Variants in RNF182 observed in about 807,000 individuals in gnomAD.
The protein encoded by RNF182 is ring finger protein 182.
A neutral mutation model predicts 14.4 loss-of-function variants in RNF182; 15 were observed. The ratio of observed to expected loss-of-function variants is 1.04; its 90% CI spans 0.70 to 1.60. RNF182 has a LOEUF of 1.60. Among genes scored for constraint, RNF182 ranks in the 40% most tolerant of loss-of-function variants. RNF182 has a pLI of 0.00. For synonymous variants in RNF182, 128 were observed against 122.9 expected, an observed-to-expected ratio of 1.04 and a Z score of -0.27; for missense variants, 268 against 294.8, an observed-to-expected ratio of 0.91 and a Z score of 0.67.
At chr6:13,946,298 C>G (rs2113606181) in intron 1 of RNF182, among the ~76,000 whole-genome samples, 1 of 151,982 alleles carries the variant, frequency 6.6e-6, no homozygotes, top group Non-Finnish European at 1.5e-5. Context: ...TCCTGAGCAG[C>G]TGGAACTACA....
At chr6:13,947,059 AT>A (rs113544692) in intron 1 of RNF182, among the ~76,000 whole-genome samples, 32,674 of 93,770 alleles carry the variant, frequency 0.35, 4,127 homozygotes, top group East Asian at 0.54. Context: ...ATTGTCTAAA[AT>A]TAAATAAGAG....
At chr6:13,964,452 TG>T (rs1439389678) in intron 1 of RNF182, among the ~76,000 whole-genome samples, 1 of 152,152 alleles carries the variant, frequency 6.6e-6, no homozygotes, top group East Asian at 1.9e-4. Flanking sequence ...GGTAAATATT[TG>T]GGAAAAACTC....
At chr6:13,961,282 T>C (rs1561784585) in intron 1 of RNF182, among the ~76,000 whole-genome samples, 1 of 152,238 alleles carries the variant, frequency 6.6e-6, no homozygotes, top group African/African-American at 2.4e-5. Context: ...ACCATATCAA[T>C]GGATCCATTA....
chr6:13,975,696 A>G (rs1760306071), intron 2 of RNF182, among the ~76,000 whole-genome samples: 1 of 152,208 alleles, frequency 6.6e-6, no homozygotes, highest in Non-Finnish European at 1.5e-5. Flanking sequence ...TTTCTCTGTT[A>G]GTGCAGTATG....
intron 1 of RNF182, among the ~76,000 whole-genome samples, chr6:13,967,097 CA>C (rs1760052633): frequency 6.6e-6 from 1 of 152,086 alleles, no homozygotes; most frequent in South Asian, 2.1e-4. Flanking sequence ...CTTGGCCTCC[CA>C]AAGTGCTGGG....
At chr6:13,972,953 C>T (rs980143495) in intron 1 of RNF182, among the ~76,000 whole-genome samples, 10 of 152,236 alleles carry the variant, frequency 6.6e-5, no homozygotes, top group African/African-American at 2.4e-4. Flanking sequence ...GATCCATAGA[C>T]AGCTTGTACC....
At chr6:13,962,679 C>A (rs1405127241) in intron 1 of RNF182, among the ~76,000 whole-genome samples, 1 of 152,126 alleles carries the variant, frequency 6.6e-6, no homozygotes, top group Non-Finnish European at 1.5e-5. Flanking sequence ...ATCTAGAAAG[C>A]AGTGTTTACA....
chr6:13,946,182 T>TATTA, intron 1 of RNF182, among the ~76,000 whole-genome samples: 2 of 148,626 alleles, frequency 1.3e-5, no homozygotes, highest in South Asian at 2.1e-4. Flanking sequence ...TTATTATTAT[T>TATTA]TTGAGATAGA....
chr6:13,967,625 G>A (rs1194942209), intron 1 of RNF182, among the ~76,000 whole-genome samples: 1 of 152,114 alleles, frequency 6.6e-6, no homozygotes, highest in East Asian at 1.9e-4. Context: ...TTTTCTTATA[G>A]ATTTTGTTCT....
intron 2 of RNF182, among the ~76,000 whole-genome samples, chr6:13,976,024 T>G (rs898795198): frequency 6.6e-6 from 1 of 152,234 alleles, no homozygotes; most frequent in African/African-American, 2.4e-5. Context: ...TAATTAGTAA[T>G]AGCAAGGACT....
intron 1 of RNF182, among the ~76,000 whole-genome samples, chr6:13,939,206 A>G (rs955506716): frequency 1.3e-5 from 2 of 152,238 alleles, no homozygotes; most frequent in East Asian, 1.9e-4. Context: ...TGGCGTTTAC[A>G]TACAAATTTT....
At chr6:13,927,812 A>G (rs183745924) in intron 1 of RNF182, among the ~76,000 whole-genome samples, 10 of 152,372 alleles carry the variant, frequency 6.6e-5, no homozygotes, top group Non-Finnish European at 1.2e-4. Flanking sequence ...GTGTTGTAGC[A>G]TTTATAAAAG....
intron 1 of RNF182, chr6:13,948,991 A>C: frequency 2.5e-6 from 1 of 397,124 alleles, no homozygotes; most frequent in Non-Finnish European, 4.5e-6. Context: ...CCAATTTTTA[A>C]TAAAATCATA....
intron 1 of RNF182, among the ~76,000 whole-genome samples, chr6:13,970,664 A>G (rs1042084080): frequency 1.3e-5 from 2 of 152,264 alleles, no homozygotes; most frequent in Admixed American, 1.3e-4. Context: ...AAATGTTTAT[A>G]CTGTTTTCCA....
rs982772007 is a variant in RNF182, at chr6:13,977,870, T to A, written c.*7T>A. The A allele has an allele frequency of 1.3e-6, 2 of 1,597,838 alleles. No homozygotes were observed. The highest frequency in any genetic ancestry group is 1.7e-6 in the Non-Finnish European group (2 of 1,171,420). The stretch of plus-strand genomic sequence containing the variant: ...TATGGCACCTCCTTCTTAACTGATA[T>A]GCAAAATAAGAAATTGGACACACAT... On this transcript the variant is annotated 3_prime_UTR_variant, in exon 3 of 3. Coordinates refer to ENST00000488300, the MANE Select transcript of RNF182 (RefSeq NM_152737.4).
chr6:13,963,740 C>G (rs1456197418), intron 1 of RNF182, among the ~76,000 whole-genome samples: 5 of 152,186 alleles, frequency 3.3e-5, no homozygotes, highest in Non-Finnish European at 4.4e-5. Flanking sequence ...TTGCTTCACA[C>G]TCTTAATGTT....
chr6:13,969,231 T>C (rs1760115542), intron 1 of RNF182, among the ~76,000 whole-genome samples: 1 of 152,190 alleles, frequency 6.6e-6, no homozygotes, highest in Non-Finnish European at 1.5e-5. Flanking sequence ...TTGATACATC[T>C]TTTTCTGGTT....
intron 1 of RNF182, among the ~76,000 whole-genome samples, chr6:13,958,283 G>T (rs1759780449): frequency 6.6e-6 from 1 of 152,070 alleles, no homozygotes; most frequent in South Asian, 2.1e-4. Flanking sequence ...CTACTTGGGA[G>T]GCTGAAGCAG....
At chr6:13,944,985 G>A (rs192010909) in intron 1 of RNF182, among the ~76,000 whole-genome samples, 399 of 152,248 alleles carry the variant, frequency 2.6e-3, no homozygotes, top group Non-Finnish European at 3.8e-3. Context: ...ACATTTAGCC[G>A]GGCTTAATAA....
Sources: gnomAD v4.1 joint callset for allele counts (sites outside exome capture counted in the v4.1 genomes callset) on GRCh38, gnomAD v4.1.1 for gene constraint, MANE v1.5 for transcripts, NCBI Gene and HGNC (gene_info 2026-07-23, HGNC 2026-07-21) for gene names.